Variants in DCDC2 observed in about 807,000 individuals in gnomAD.
DCDC2 encodes doublecortin domain-containing protein 2.
A neutral mutation model predicts 50.2 loss-of-function variants in DCDC2; 40 were observed. The ratio of observed to expected loss-of-function variants is 0.80; its 90% CI spans 0.62 to 1.04. DCDC2 has a LOEUF of 1.04. Among genes scored for constraint, DCDC2 ranks in the 50% least tolerant of loss-of-function variants. The pLI, the probability that DCDC2 is intolerant of heterozygous loss-of-function variation, is 0.00. For synonymous variants in DCDC2, 234 were observed against 210.6 expected, an observed-to-expected ratio of 1.11 and a Z score of -0.96; for missense variants, 570 against 581.9, an observed-to-expected ratio of 0.98 and a Z score of 0.21.
intron 2 of DCDC2, among the ~76,000 whole-genome samples, chr6:24,311,990 C>G (rs13202144): frequency 1.8e-4 from 28 of 152,302 alleles, no homozygotes; most frequent in African/African-American, 5.5e-4. Context: ...GTGAAAATAG[C>G]CAGTTCCTGC....
intron 6 of DCDC2, 67 bp from the exon 7 acceptor site, chr6:24,278,278 CAT>C: frequency 7.0e-7 from 1 of 1,432,784 alleles, no homozygotes; most frequent in Non-Finnish European, 9.5e-7. Flanking sequence ...CCAGTAAATA[CAT>C]GTCATTAACT....
intron 8 of DCDC2, among the ~76,000 whole-genome samples, chr6:24,198,396 C>T (rs1389290883): frequency 1.3e-5 from 2 of 152,090 alleles, no homozygotes; most frequent in South Asian, 4.1e-4. Flanking sequence ...TCAGGAAGCA[C>T]AAGGGGTTGG....
chr6:24,319,557 C>A (rs1759735171), intron 2 of DCDC2, among the ~76,000 whole-genome samples: 1 of 152,046 alleles, frequency 6.6e-6, no homozygotes, highest in African/African-American at 2.4e-5. Flanking sequence ...GTCACGAATT[C>A]TTTGCCTAGA....
chr6:24,227,150 G>C (rs371063767), intron 7 of DCDC2, among the ~76,000 whole-genome samples: 1 of 152,208 alleles, frequency 6.6e-6, no homozygotes, highest in South Asian at 2.1e-4. Context: ...TGAGAAGATG[G>C]CAGTGTACCC....
chr6:24,178,611 C>T lies in DCDC2; in HGVS notation c.1045G>A (p.Glu349Lys), dbSNP rs946583171. The change falls in exon 9 of 10, where the codon GAG (glutamate) becomes AAG (lysine). Residue 349 changes from glutamate (E) to lysine (K), a missense_variant. By Grantham distance (56) the Glu-to-Lys change is moderately conservative (BLOSUM62 1). Transcript: ENST00000378454. ...TTTGCCTTCTCTCCATCTTCTTCCT[C>T]GTCTACTATTTCTGCTGGCCTCTGA... ...VDQRPAEIVD[E>K]EEDGEKANKD... 8 of 1,613,284 alleles carry T rather than the reference C, an allele frequency of 5.0e-6. No individual in the cohort carries two copies. Among genetic ancestry groups the T allele is most frequent in the East Asian group, 4.5e-5 (2 of 44,866 alleles).
chr6:24,242,377 G>T (rs897156684), intron 7 of DCDC2, among the ~76,000 whole-genome samples: 1 of 151,648 alleles, frequency 6.6e-6, no homozygotes, highest in Admixed American at 6.6e-5. Context: ...CACTCACCAC[G>T]CCTGCTCATG....
intron 2 of DCDC2, among the ~76,000 whole-genome samples, chr6:24,313,453 T>A (rs1466032094): frequency 1.3e-5 from 2 of 152,228 alleles, no homozygotes; most frequent in Admixed American, 6.5e-5. Context: ...TACACCATAC[T>A]TAGATTTCAC....
chr6:24,342,859 C>T (rs1023829531), intron 2 of DCDC2, among the ~76,000 whole-genome samples: 1 of 152,076 alleles, frequency 6.6e-6, no homozygotes, highest in Non-Finnish European at 1.5e-5. Flanking sequence ...CTAAATAATA[C>T]TTTTCTTCCC....
Position 24,291,020 on chromosome 6 carries a change from A to C in DCDC2, c.616T>G (p.Phe206Val). ...ESGAELENGQ[F>V]YVAVGRDKFK... ...TTATCTCTGCCAACAGCCACATAAAACTGCCCATTCTCCAACTCTGCTCCA... is the reference window on the plus strand; with the variant it reads ...TTATCTCTGCCAACAGCCACATAAACCTGCCCATTCTCCAACTCTGCTCCA... The change falls in exon 5 of 10, where the codon TTT becomes GTT. Residue 206 changes from phenylalanine (F) to valine (V), a missense_variant. Phe to Val is a conservative substitution (Grantham distance 50). Coordinates refer to ENST00000378454, the MANE Select transcript of DCDC2 (RefSeq NM_016356.5). 6.2e-7 allele frequency: 1 copy of C among 1,614,026 alleles called. No individual in the cohort carries two copies. Among genetic ancestry groups the C allele is most frequent in the Non-Finnish European group, 8.5e-7 (1 of 1,179,960 alleles).
intron 7 of DCDC2, among the ~76,000 whole-genome samples, chr6:24,228,032 T>A (rs1314794776): frequency 1.3e-5 from 2 of 152,272 alleles, no homozygotes; most frequent in African/African-American, 4.8e-5. Context: ...ACTCTTGTTT[T>A]AATTCATAGG....
At chr6:24,368,874 C>CT in the DCDC2 span, among the ~76,000 whole-genome samples, 2 of 152,254 alleles carry the variant, frequency 1.3e-5, no homozygotes, top group East Asian at 3.9e-4. Flanking sequence ...CCAGGCGTGG[C>CT]TGTAATCCCA....
chr6:24,308,746 AC>A (rs1759520466), intron 2 of DCDC2, among the ~76,000 whole-genome samples: 1 of 152,230 alleles, frequency 6.6e-6, no homozygotes, highest in African/African-American at 2.4e-5. Context: ...CTCTAAAGAA[AC>A]AAAAGAAAAT....
At chr6:24,182,616 A>C (rs1761098005) in intron 8 of DCDC2, among the ~76,000 whole-genome samples, 1 of 109,626 alleles carries the variant, frequency 9.1e-6, no homozygotes, top group Non-Finnish European at 2.0e-5. Context: ...CCTAACACCC[A>C]TTATGATGAC....
At chr6:24,266,064 G>T (rs985240909) in intron 7 of DCDC2, among the ~76,000 whole-genome samples, 1 of 152,002 alleles carries the variant, frequency 6.6e-6, no homozygotes, top group Non-Finnish European at 1.5e-5. Flanking sequence ...ATTCATTTTT[G>T]ACAAAGGTGA....
Position 24,187,595 on chromosome 6 carries a change from C to T in DCDC2, c.1024-8963G>A, listed in dbSNP as rs116043959. On this transcript the variant is annotated intron_variant, in intron 8 of 9. Transcript: ENST00000378454. Reference sequence around the variant, plus strand: ...AATATTTGGAATGATTATAGAATAACGGGGAAATATCAGCCCTGGCACTAT... The same window carrying T: ...AATATTTGGAATGATTATAGAATAATGGGGAAATATCAGCCCTGGCACTAT... Among the ~76,000 whole-genome samples, 1,423 of 152,250 alleles carry T rather than the reference C, an allele frequency of 9.3e-3. 10 individuals carry two copies. Among genetic ancestry groups the T allele is most frequent in the African/African-American group, 0.018 (761 of 41,524 alleles).
At chr6:24,226,140 C>A (rs1447379255) in intron 7 of DCDC2, among the ~76,000 whole-genome samples, 1 of 150,942 alleles carries the variant, frequency 6.6e-6, no homozygotes, top group South Asian at 2.1e-4. Flanking sequence ...AAATAAACAT[C>A]CATTGATTCA....
At chr6:24,371,450 C>A in the DCDC2 span, among the ~76,000 whole-genome samples, 3,304 of 151,848 alleles carry the variant, frequency 0.022, 62 homozygotes, top group African/African-American at 0.042. Flanking sequence ...CAAAAAAATA[C>A]AGAAAAAATT....
intron 2 of DCDC2, among the ~76,000 whole-genome samples, chr6:24,327,164 C>T (rs1759884996): frequency 6.7e-6 from 1 of 149,422 alleles, no homozygotes; most frequent in African/African-American, 2.4e-5. Context: ...TACAGGGAAA[C>T]CTAGGTTAGG....
chr6:24,282,429 G>A (rs1187737243), intron 6 of DCDC2, among the ~76,000 whole-genome samples: 2 of 151,768 alleles, frequency 1.3e-5, no homozygotes, highest in Non-Finnish European at 2.9e-5. Flanking sequence ...TTTTAGTAGA[G>A]AAGGGGTTTC....
Sources: gnomAD v4.1 joint callset for allele counts (sites outside exome capture counted in the v4.1 genomes callset) on GRCh38, gnomAD v4.1.1 for gene constraint, MANE v1.5 for transcripts, NCBI Gene and HGNC (gene_info 2026-07-23, HGNC 2026-07-21) for gene names.